The following FBN1 variants were observed in gnomAD, a reference collection of about 807,000 sequenced individuals.
The protein encoded by FBN1 is fibrillin-1.
FBN1 carries 29 observed loss-of-function variants against 365.1 expected under a neutral mutation model. The observed-to-expected ratio is 0.08, with a 90% CI of 0.06 to 0.11. The LOEUF is 0.11. Among genes scored for constraint, FBN1 ranks in the 10% least tolerant of loss-of-function variants. FBN1 has a pLI of 1.00. For synonymous variants in FBN1, 1,210 were observed against 1,270.5 expected, an observed-to-expected ratio of 0.95 and a Z score of 1.01; for missense variants, 2,476 against 3,703.2, an observed-to-expected ratio of 0.67 and a Z score of 8.60.
intron 9 of FBN1, among the ~76,000 whole-genome samples, chr15:48,521,676 T>C (rs2043856847): frequency 6.6e-6 from 1 of 152,218 alleles, no homozygotes; most frequent in Non-Finnish European, 1.5e-5. Flanking sequence ...AACTTCTCCA[T>C]ATGCCTTTGA....
intron 38 of FBN1, among the ~76,000 whole-genome samples, chr15:48,467,406 C>A (rs1224862312): frequency 6.6e-6 from 1 of 152,196 alleles, no homozygotes; most frequent in Admixed American, 6.5e-5. Flanking sequence ...AATTCTGAAT[C>A]ATAATACAGG....
chr15:48,537,768 C>A lies in FBN1; in HGVS notation c.579G>T (p.Gln193His). The A allele has an allele frequency of 6.2e-7, 1 of 1,614,192 alleles. No individual in the cohort carries two copies. Among genetic ancestry groups the A allele is most frequent in the African/African-American group, 1.3e-5 (1 of 75,038 alleles). ...TCCCGCTGAGTTGTCCCTGGCACAT[C>A]TGGTTGCTGATCACAGTAAAACATG... ...TGPCFTVISN[Q>H]MCQGQLSGIV... is the part of the protein sequence containing the mutation. The change falls in exon 7 of 66, where the codon CAG (glutamine) becomes CAT (histidine). Residue 193 changes from glutamine to histidine, a missense_variant. By Grantham distance (24) the Gln-to-His change is conservative. Transcript: ENST00000316623.
At chr15:48,411,767 T>A (rs1347253429) in intron 65 of FBN1, among the ~76,000 whole-genome samples, 1 of 152,250 alleles carries the variant, frequency 6.6e-6, no homozygotes. Flanking sequence ...AGTAGGTGAT[T>A]CAGATGCATG....
intron 2 of FBN1, among the ~76,000 whole-genome samples, chr15:48,618,954 G>T (rs111291482): frequency 1.3e-5 from 2 of 151,998 alleles, no homozygotes; most frequent in East Asian, 3.9e-4. Context: ...CAAGCTCAAG[G>T]CTCCCACTGA....
intron 3 of FBN1, among the ~76,000 whole-genome samples, chr15:48,611,538 G>A (rs1421251888): frequency 1.3e-5 from 2 of 152,170 alleles, no homozygotes; most frequent in Non-Finnish European, 2.9e-5. Flanking sequence ...GGGATTACAG[G>A]CGTAAACCAC....
intron 6 of FBN1, among the ~76,000 whole-genome samples, chr15:48,582,630 T>C (rs2044403714): frequency 6.6e-6 from 1 of 152,186 alleles, no homozygotes. Context: ...CAGGATTGCA[T>C]GACATCCAAA....
chr15:48,524,292 T>C (rs534004785), intron 9 of FBN1, among the ~76,000 whole-genome samples: 2 of 152,152 alleles, frequency 1.3e-5, no homozygotes, highest in South Asian at 4.2e-4. Flanking sequence ...CAGGTGACAG[T>C]TGGAATTTTA....
chr15:48,619,140 G>A (rs754139766), intron 2 of FBN1, among the ~76,000 whole-genome samples: 13 of 152,030 alleles, frequency 8.6e-5, no homozygotes, highest in South Asian at 4.2e-4. Flanking sequence ...CCCTGATACC[G>A]AAAAGGTTGG....
rs369908163 is a variant in FBN1, at chr15:48,525,259, G to C, written c.988+871C>G. ...CCGCCACGACGCCTGGCAAATTTTTGTATTTTTAGTAGAGACAGGGTTTCA... is the reference window on the plus strand; with the variant it reads ...CCGCCACGACGCCTGGCAAATTTTTCTATTTTTAGTAGAGACAGGGTTTCA... On this transcript the variant is annotated intron_variant, in intron 9 of 65. Transcript: ENST00000316623. Among the ~76,000 whole-genome samples, 7 of 152,110 alleles carry C rather than the reference G, an allele frequency of 4.6e-5. No homozygotes were observed. The East Asian group carries it at 9.7e-4, about 21-fold the overall frequency.
rs913796914 is a variant in FBN1 at position 48,567,998 on chromosome 15, T to TAAAGAAAGAAAGA, written c.538+28284_538+28285insTCTTTCTTTCTTT. Among the ~76,000 whole-genome samples, 5 of 56,526 alleles carry TAAAGAAAGAAAGA rather than the reference T, an allele frequency of 8.8e-5. No individual in the cohort carries two copies. The Admixed American group carries it at 1.0e-3, about 12-fold the overall frequency. 37.1% of individuals were successfully genotyped at this position (56,526 alleles called of 152,430 possible). A position where few individuals can be genotyped will look rare whatever the true frequency, so the allele number is the denominator to read the frequency against. On this transcript the variant is annotated intron_variant, in intron 6 of 65. Coordinates refer to ENST00000316623, the MANE Select transcript of FBN1 (RefSeq NM_000138.5). ...AAGAAAAGAAATTAAAGTATACAGA[T>TAAAGAAAGAAAGA]AAGAAAGAAAGAAAGAAAGAAAGAA... is the stretch of plus-strand genomic sequence containing the variant.
chr15:48,522,903 T>G (rs1323886315), intron 9 of FBN1, among the ~76,000 whole-genome samples: 1 of 152,190 alleles, frequency 6.6e-6, no homozygotes, highest in Non-Finnish European at 1.5e-5. Flanking sequence ...GTCAGACTAA[T>G]AGTTTCACCA....
chr15:48,416,857 C>T (rs2042906527), intron 63 of FBN1: 1 of 152,190 alleles, frequency 6.6e-6, no homozygotes, highest in Non-Finnish European at 1.5e-5. Flanking sequence ...TAGCGAATAA[C>T]CACTTCCTAT....
chr15:48,578,043 CA>C (rs890732444), intron 6 of FBN1, among the ~76,000 whole-genome samples: 21 of 146,872 alleles, frequency 1.4e-4, no homozygotes, highest in East Asian at 1.2e-3. Flanking sequence ...ATGCAATCTA[CA>C]AAAAAAAAAT....
intron 25 of FBN1, among the ~76,000 whole-genome samples, chr15:48,489,090 A>G (rs1320133445): frequency 6.6e-6 from 1 of 151,718 alleles, no homozygotes; most frequent in Non-Finnish European, 1.5e-5. Context: ...AGGCTGGAGT[A>G]CAGTGGTGTG....
intron 18 of FBN1, among the ~76,000 whole-genome samples, chr15:48,497,861 C>G (rs1203433288): frequency 6.6e-6 from 1 of 152,188 alleles, no homozygotes; most frequent in Admixed American, 6.5e-5. Flanking sequence ...TCAACAATAT[C>G]CTCAAGATAA....
At chr15:48,438,638 AG>A (rs2043090836) in intron 50 of FBN1, among the ~76,000 whole-genome samples, 1 of 140,664 alleles carries the variant, frequency 7.1e-6, no homozygotes, top group South Asian at 2.6e-4. Context: ...GGGAAGGAAG[AG>A]GAGGGCAGGG....
At chr15:48,431,691 G>A (rs1349297754) in intron 55 of FBN1, among the ~76,000 whole-genome samples, 1 of 151,854 alleles carries the variant, frequency 6.6e-6, no homozygotes, top group Non-Finnish European at 1.5e-5. Context: ...GTCTCACTCC[G>A]TCATCCAGTC....
rs142284722 is a variant in FBN1 at position 48,524,502 on chromosome 15, G to A, written c.988+1628C>T. Among the ~76,000 whole-genome samples, 909 of 152,288 alleles carry A rather than the reference G, an allele frequency of 6.0e-3. 14 individuals carry two copies. Among genetic ancestry groups the A allele is most frequent in the African/African-American group, 0.021 (867 of 41,556 alleles). ...TGTTGCTTACCATGGAGGGAAATAG[G>A]AGCACCAGAAGGCAGAAAGGTCACT... is the stretch of plus-strand genomic sequence containing the variant. On this transcript the variant is annotated intron_variant, in intron 9 of 65. Coordinates refer to ENST00000316623, the MANE Select transcript of FBN1 (RefSeq NM_000138.5).
At chr15:48,549,353 G>T (rs1482425929) in intron 6 of FBN1, among the ~76,000 whole-genome samples, 1 of 152,230 alleles carries the variant, frequency 6.6e-6, no homozygotes, top group African/African-American at 2.4e-5. Context: ...CTAGACCTCA[G>T]GTGACTTACC....
Sources: allele counts gnomAD v4.1 joint callset (sites outside exome capture counted in the v4.1 genomes callset), GRCh38; gene constraint gnomAD v4.1.1; transcripts MANE v1.5; gene names NCBI Gene and HGNC (gene_info 2026-07-23, HGNC 2026-07-21).